Variants in GRID2 observed in about 807,000 individuals in gnomAD.
GRID2 encodes the protein glutamate receptor ionotropic, delta-2.
A neutral mutation model predicts 114.8 loss-of-function variants in GRID2; 33 were observed. The ratio of observed to expected loss-of-function variants is 0.29; its 90% CI spans 0.22 to 0.38. The LOEUF (loss-of-function observed/expected upper bound fraction) is 0.38, where lower values mean the gene tolerates loss of function less well. Among genes scored for constraint, GRID2 ranks in the 10% least tolerant of loss-of-function variants. GRID2 has a pLI of 1.00. For synonymous variants in GRID2, 505 were observed against 449.9 expected, an observed-to-expected ratio of 1.12 and a Z score of -1.55; for missense variants, 1,184 against 1,257.7, an observed-to-expected ratio of 0.94 and a Z score of 0.89.
At chr4:93,116,027 C>G (rs1054186597) in intron 4 of GRID2, among the ~76,000 whole-genome samples, 2 of 152,146 alleles carry the variant, frequency 1.3e-5, no homozygotes, top group Non-Finnish European at 2.9e-5. Context: ...TTTGTCATCT[C>G]TTACCTACCT....
At chr4:93,534,452 T>A (rs1329315752) in intron 13 of GRID2, among the ~76,000 whole-genome samples, 6 of 152,090 alleles carry the variant, frequency 3.9e-5, no homozygotes, top group Non-Finnish European at 8.8e-5. Flanking sequence ...TTAGCAAATT[T>A]TCAGTATACC....
At chr4:93,756,763 C>T (rs1001897322) in intron 14 of GRID2, among the ~76,000 whole-genome samples, 1 of 152,124 alleles carries the variant, frequency 6.6e-6, no homozygotes, top group South Asian at 2.1e-4. Context: ...AGATTGAGTG[C>T]TTTTGTTTTT....
chr4:93,012,686 C>A (rs1293799108), intron 2 of GRID2, among the ~76,000 whole-genome samples: 1 of 151,772 alleles, frequency 6.6e-6, no homozygotes, highest in African/African-American at 2.4e-5. Context: ...AAAAAAAAAC[C>A]TGTGCTATTA....
intron 1 of GRID2, among the ~76,000 whole-genome samples, chr4:92,347,459 C>A: frequency 6.6e-6 from 1 of 152,146 alleles, no homozygotes; most frequent in East Asian, 1.9e-4. Context: ...AGCCTATTTA[C>A]TTCTCTGGTT....
intron 2 of GRID2, among the ~76,000 whole-genome samples, chr4:92,885,298 CAG>C (rs1746299938): frequency 6.6e-6 from 1 of 152,180 alleles, no homozygotes; most frequent in African/African-American, 2.4e-5. Flanking sequence ...CCACTGCTGA[CAG>C]AGCTAAGCCT....
At chr4:92,670,275 T>A (rs1423066379) in intron 2 of GRID2, among the ~76,000 whole-genome samples, 1 of 152,048 alleles carries the variant, frequency 6.6e-6, no homozygotes, top group Non-Finnish European at 1.5e-5. Flanking sequence ...CGCATACTAT[T>A]ATGTTGTCAT....
intron 2 of GRID2, among the ~76,000 whole-genome samples, chr4:92,660,265 G>A (rs983432833): frequency 3.3e-5 from 5 of 151,220 alleles, no homozygotes; most frequent in African/African-American, 1.2e-4. Flanking sequence ...CATTATTATA[G>A]GAAGATACAA....
At chr4:93,780,381 TG>T (rs1466162969) in intron 1 of GRID2, among the ~76,000 whole-genome samples, 1 of 152,120 alleles carries the variant, frequency 6.6e-6, no homozygotes, top group Non-Finnish European at 1.5e-5. Context: ...TCAATTCAGC[TG>T]GATTGGAATG....
At chr4:93,210,967 A>G (rs1217334461) in intron 5 of GRID2, among the ~76,000 whole-genome samples, 1 of 152,180 alleles carries the variant, frequency 6.6e-6, no homozygotes, top group East Asian at 1.9e-4. Context: ...CATTTTACCT[A>G]TTCATGTCAA....
chr4:93,486,645 A>G (rs958248419), intron 11 of GRID2, among the ~76,000 whole-genome samples: 2 of 151,702 alleles, frequency 1.3e-5, no homozygotes, highest in Non-Finnish European at 3.0e-5. Flanking sequence ...GTCCTAAAGT[A>G]GCGAATTACA....
intron 1 of GRID2, among the ~76,000 whole-genome samples, chr4:92,440,641 GGC>G (rs1208761991): frequency 6.6e-6 from 1 of 152,114 alleles, no homozygotes; most frequent in Non-Finnish European, 1.5e-5. Flanking sequence ...GGTTCTGAGA[GGC>G]GGGCTAGTGG....
At chr4:93,026,161 T>C (rs2149251863) in intron 2 of GRID2, among the ~76,000 whole-genome samples, 1 of 151,992 alleles carries the variant, frequency 6.6e-6, no homozygotes. Context: ...AATCACTATC[T>C]TCCCTTTCAG....
chr4:92,819,545 C>G (rs1741132445), intron 2 of GRID2, among the ~76,000 whole-genome samples: 1 of 151,948 alleles, frequency 6.6e-6, no homozygotes, highest in Admixed American at 6.6e-5. Flanking sequence ...TCTCTATTTT[C>G]CTGTAAGATG....
At position 92,766,310 on chromosome 4, in the gene GRID2, G is replaced by A. The variant is rs564584039; in HGVS notation, c.244+176024G>A. On this transcript the variant is annotated intron_variant, in intron 2 of 15. Transcript: ENST00000282020. Reference sequence around the variant, plus strand: ...TTCCAGCACTTTGGGAGGCCGAGGTGGGAGGATCATGAGGTCAGGAGATCC... The same window carrying A: ...TTCCAGCACTTTGGGAGGCCGAGGTAGGAGGATCATGAGGTCAGGAGATCC... Among the ~76,000 whole-genome samples, 131 of 152,174 alleles carry A rather than the reference G, an allele frequency of 8.6e-4. 1 individual carries two copies. The highest frequency in any genetic ancestry group is 6.8e-3 in the Middle Eastern group (2 of 292).
At chr4:93,045,272 C>T (rs1726022541) in intron 2 of GRID2, among the ~76,000 whole-genome samples, 1 of 152,088 alleles carries the variant, frequency 6.6e-6, no homozygotes, top group Non-Finnish European at 1.5e-5. Context: ...TATGTTCCCT[C>T]TTTATCTTTT....
chr4:92,412,986 G>C (rs1374648322), intron 1 of GRID2, among the ~76,000 whole-genome samples: 2 of 152,112 alleles, frequency 1.3e-5, no homozygotes, highest in African/African-American at 4.8e-5. Flanking sequence ...CTCTTTACCA[G>C]ATACATGTGT....
At chr4:93,555,421 G>A (rs1029328523) in intron 13 of GRID2, among the ~76,000 whole-genome samples, 1 of 152,130 alleles carries the variant, frequency 6.6e-6, no homozygotes, top group Non-Finnish European at 1.5e-5. Flanking sequence ...AGCTTGGTGC[G>A]GGGAAGGGAG....
chr4:93,017,343 C>A (rs928031558), intron 2 of GRID2, among the ~76,000 whole-genome samples: 1 of 151,906 alleles, frequency 6.6e-6, no homozygotes, highest in African/African-American at 2.4e-5. Context: ...ACAGGGTAGC[C>A]TTTTTTAGTA....
chr4:93,500,271 G>T (rs1279436712), intron 12 of GRID2, among the ~76,000 whole-genome samples: 1 of 151,896 alleles, frequency 6.6e-6, no homozygotes, highest in African/African-American at 2.4e-5. Context: ...AACTTCATAG[G>T]TTTAGTGTAG....
Sources: allele counts gnomAD v4.1 joint callset (sites outside exome capture counted in the v4.1 genomes callset), GRCh38; gene constraint gnomAD v4.1.1; transcripts MANE v1.5; gene names NCBI Gene and HGNC (gene_info 2026-07-23, HGNC 2026-07-21).